CC2D2B: variants seen among roughly 807,000 people sequenced by gnomAD.
CC2D2B encodes the protein coiled-coil and C2 domain containing 2B.
A neutral mutation model predicts 161.2 loss-of-function variants in CC2D2B; 128 were observed. The observed-to-expected ratio is 0.79, with a 90% CI of 0.69 to 0.92. The LOEUF is 0.92. Among genes scored for constraint, CC2D2B ranks in the 40% least tolerant of loss-of-function variants. The probability of loss-of-function intolerance (pLI) is 0.00; values close to 1 mark genes in which losing one functional copy is unlikely to be tolerated. For synonymous variants in CC2D2B, 391 were observed against 449.8 expected (o/e 0.87, Z 1.65); for missense variants, 1,173 against 1,375.1 (o/e 0.85, Z 2.32).
intron 10 of CC2D2B, 30 bp from the exon 11 acceptor site, chr10:95,955,364 T>G: frequency 2.5e-6 from 1 of 392,450 alleles, no homozygotes; most frequent in Non-Finnish European, 4.5e-6. Context: ...AGATAAAATA[T>G]ACCGAAGAGC....
At chr10:96,017,668 T>C (rs1322291500) in intron 30 of CC2D2B, among the ~76,000 whole-genome samples, 1 of 152,166 alleles carries the variant, frequency 6.6e-6, no homozygotes, top group Non-Finnish European at 1.5e-5. Context: ...TGGTGGCTCA[T>C]GCCTATGATC....
At chr10:95,925,813 G>A (rs1435907937) in intron 5 of CC2D2B, among the ~76,000 whole-genome samples, 1 of 152,182 alleles carries the variant, frequency 6.6e-6, no homozygotes, top group African/African-American at 2.4e-5. Flanking sequence ...AAGTGGGGAA[G>A]AAAGAACCAA....
At chr10:96,015,859 G>A (rs1036094252) in intron 29 of CC2D2B, among the ~76,000 whole-genome samples, 7 of 152,086 alleles carry the variant, frequency 4.6e-5, no homozygotes, top group East Asian at 1.9e-4. Context: ...AAGGTTCCTC[G>A]AAATACCAGT....
At chr10:95,984,066 T>C (rs896089434) in intron 19 of CC2D2B, among the ~76,000 whole-genome samples, 3 of 152,210 alleles carry the variant, frequency 2.0e-5, no homozygotes, top group Non-Finnish European at 4.4e-5. Context: ...TCTAAATTTA[T>C]GTAACTATTA....
chr10:95,973,861 C>CAAAAAA (rs576579109), intron 16 of CC2D2B, 148 bp from the exon 17 acceptor site: 30 of 234,126 alleles, frequency 1.3e-4, no homozygotes, highest in Non-Finnish European at 1.8e-4. Context: ...AACTCTGTCT[C>CAAAAAA]AAAAAAAAAA....
rs1007745139 is a variant in CC2D2B at position 95,983,539 on chromosome 10, A to G, written c.2083-67A>G. The G allele has an allele frequency of 3.6e-5, 26 of 713,106 alleles. No individual in the cohort carries two copies. The African/African-American group carries it at 4.8e-4, about 13-fold the overall frequency. 44.2% of individuals were successfully genotyped at this position (713,106 alleles called of 1,614,324 possible). On this transcript the variant is annotated intron_variant, in intron 18 of 34. Transcript: ENST00000646931. Reference sequence around the variant, plus strand: ...ACTCAGATCTCACAGTTGGGGAAAAAGTCTTTTGAAGTAATTCCTGAATTA... The same window carrying G: ...ACTCAGATCTCACAGTTGGGGAAAAGGTCTTTTGAAGTAATTCCTGAATTA...
chr10:96,001,478 C>T (rs2078494002), intron 24 of CC2D2B, among the ~76,000 whole-genome samples: 2 of 151,874 alleles, frequency 1.3e-5, no homozygotes, highest in Admixed American at 1.3e-4. Flanking sequence ...ATATATAACC[C>T]CACTAACAAA....
At chr10:95,990,467 A>C (rs1228183582) in intron 20 of CC2D2B, among the ~76,000 whole-genome samples, 2 of 152,204 alleles carry the variant, frequency 1.3e-5, no homozygotes, top group Non-Finnish European at 2.9e-5. Flanking sequence ...AGGAACAGCC[A>C]GGAGCTCAGC....
intron 19 of CC2D2B, 88 bp downstream of exon 19, chr10:95,983,897 T>G: frequency 3.5e-6 from 2 of 579,470 alleles, no homozygotes; most frequent in Non-Finnish European, 5.1e-6. Flanking sequence ...TTTCTTTTTT[T>G]TTAAGCTAAT....
intron 33 of CC2D2B, among the ~76,000 whole-genome samples, chr10:96,025,260 AAG>A (rs1420002826): frequency 7.7e-6 from 1 of 130,680 alleles, no homozygotes; most frequent in East Asian, 2.4e-4. Flanking sequence ...CTCAGTGACT[AAG>A]AGGGGGAGGA....
intron 24 of CC2D2B, 132 bp downstream of exon 24, chr10:95,996,384 C>T: frequency 1.9e-6 from 1 of 534,758 alleles, no homozygotes; most frequent in South Asian, 2.6e-5. Flanking sequence ...ATATTTCATG[C>T]ACATAAACTA....
intron 9 of CC2D2B, among the ~76,000 whole-genome samples, chr10:95,940,976 T>G (rs2076001673): frequency 6.6e-6 from 1 of 152,184 alleles, no homozygotes; most frequent in Non-Finnish European, 1.5e-5. Flanking sequence ...AACAGGATGG[T>G]ACTGGCATAA....
At chr10:95,976,394 A>G (rs34777055) in intron 17 of CC2D2B, among the ~76,000 whole-genome samples, 23,615 of 152,218 alleles carry the variant, frequency 0.16, 1,970 homozygotes, top group Middle Eastern at 0.25. Context: ...CTTACAAAAG[A>G]TTGAAAACAG....
At chr10:96,014,302 T>C (rs1353219280) in intron 29 of CC2D2B, among the ~76,000 whole-genome samples, 1 of 152,224 alleles carries the variant, frequency 6.6e-6, no homozygotes, top group African/African-American at 2.4e-5. Context: ...TTTAGTCTGA[T>C]TGCCAAATAA....
chr10:95,915,748 A>T (rs952079310), intron 2 of CC2D2B, among the ~76,000 whole-genome samples: 1 of 152,172 alleles, frequency 6.6e-6, no homozygotes, highest in Non-Finnish European at 1.5e-5. Flanking sequence ...CCCTGTGATG[A>T]ATCTCATTTG....
rs768862029 is a variant in CC2D2B at position 95,991,571 on chromosome 10, G to T, written c.2471+110G>T. On this transcript the variant is annotated intron_variant, in intron 21 of 34. Transcript: ENST00000646931. Reference sequence around the variant, plus strand: ...AATTAAGCCATATGTCAAAAGATGCGGTTTCAGATCATAACATGAAATATA... The same window carrying T: ...AATTAAGCCATATGTCAAAAGATGCTGTTTCAGATCATAACATGAAATATA... 13 of 353,328 alleles carry T rather than the reference G, an allele frequency of 3.7e-5. No homozygotes were observed. In the East Asian group the frequency reaches 5.3e-4, roughly 14 times the overall value. The allele number at this position is 353,328 out of a possible 1,614,324, so 21.9% of individuals were successfully genotyped here.
intron 4 of CC2D2B, 52 bp downstream of exon 4, chr10:95,924,442 T>C: frequency 1.0e-6 from 1 of 985,004 alleles, no homozygotes; most frequent in Non-Finnish European, 1.5e-6. Flanking sequence ...AAATGAGACA[T>C]TTAACACAAT....
chr10:96,010,406 T>C (rs1252359416), intron 26 of CC2D2B, among the ~76,000 whole-genome samples: 1 of 152,186 alleles, frequency 6.6e-6, no homozygotes, highest in Non-Finnish European at 1.5e-5. Context: ...GACTCCACTG[T>C]TACTTCTTCA....
chr10:95,966,026 C>A, intron 13 of CC2D2B, 28 bp downstream of exon 13: 1 of 850,496 alleles, frequency 1.2e-6, no homozygotes, highest in Non-Finnish European at 1.6e-6. Context: ...TAACATTAAA[C>A]TCAACTAGTT....
Sources: allele counts gnomAD v4.1 joint callset (sites outside exome capture counted in the v4.1 genomes callset), GRCh38; gene constraint gnomAD v4.1.1; transcripts MANE v1.5; gene names NCBI Gene and HGNC (gene_info 2026-07-23, HGNC 2026-07-21).